ACOT11: variants seen among roughly 807,000 people sequenced by gnomAD.
The protein encoded by ACOT11 is acyl-coenzyme A thioesterase 11.
ACOT11 carries 69 observed loss-of-function variants against 77.5 expected under a neutral mutation model. The ratio of observed to expected loss-of-function variants is 0.89; its 90% CI spans 0.73 to 1.09. The LOEUF (loss-of-function observed/expected upper bound fraction) is 1.09. Ranked by LOEUF, ACOT11 falls within the 50% of genes least tolerant of loss-of-function variation. ACOT11 has a pLI of 0.00. For synonymous variants in ACOT11, 279 were observed against 313.0 expected, an observed-to-expected ratio of 0.89 and a Z score of 1.15; for missense variants, 766 against 813.7, an observed-to-expected ratio of 0.94 and a Z score of 0.71.
intron 1 of ACOT11, among the ~76,000 whole-genome samples, chr1:54,548,780 G>T (rs952244993): frequency 1.3e-5 from 2 of 152,208 alleles, no homozygotes; most frequent in Non-Finnish European, 2.9e-5. Flanking sequence ...AGTATGTGTG[G>T]TGGGGTGAGG....
chr1:54,611,678 C>T, downstream of ACOT11: 8 of 1,614,102 alleles, frequency 5.0e-6, no homozygotes, highest in Non-Finnish European at 5.9e-6. Context: ...GCAGTGTTAT[C>T]CCGGACGTAG....
chr1:54,555,352 A>AT (rs1295762883), intron 1 of ACOT11, among the ~76,000 whole-genome samples: 1 of 151,928 alleles, frequency 6.6e-6, no homozygotes, highest in Non-Finnish European at 1.5e-5. Context: ...GATGTTGAGC[A>AT]TTTTTTTCAT....
chr1:54,573,229 T>C, intron 1 of ACOT11: 1 of 985,394 alleles, frequency 1.0e-6, no homozygotes, highest in Non-Finnish European at 1.2e-6. Flanking sequence ...AGAGAAGCAG[T>C]TGTACAAAGT....
intron 15 of ACOT11, chr1:54,630,587 C>T (rs1569816502): frequency 4.1e-6 from 2 of 493,772 alleles, no homozygotes; most frequent in East Asian, 6.7e-5. Flanking sequence ...AATTCAACAT[C>T]TATAGAAACA....
chr1:54,622,896 C>T (rs1427245060), intron 15 of ACOT11, among the ~76,000 whole-genome samples: 5 of 151,818 alleles, frequency 3.3e-5, no homozygotes, highest in South Asian at 2.1e-4. Context: ...GCTGGTTGGC[C>T]AGGCATGATG....
chr1:54,615,795 T>C (rs1644166833), intron 15 of ACOT11, among the ~76,000 whole-genome samples: 1 of 152,098 alleles, frequency 6.6e-6, no homozygotes. Flanking sequence ...CTGCCGGCTG[T>C]CTCCCCTCTG....
At chr1:54,579,390 A>T (rs116203742) in intron 1 of ACOT11, among the ~76,000 whole-genome samples, 1 of 152,062 alleles carries the variant, frequency 6.6e-6, no homozygotes, top group East Asian at 1.9e-4. Context: ...TGTCCCGGGT[A>T]TGTGTGTAGG....
chr1:54,557,852 G>C (rs1395438791), intron 1 of ACOT11, among the ~76,000 whole-genome samples: 3 of 152,070 alleles, frequency 2.0e-5, no homozygotes, highest in Non-Finnish European at 4.4e-5. Flanking sequence ...TTTCCAATTT[G>C]GATGCCTTTT....
At chr1:54,597,789 G>A (rs1643907943) in intron 7 of ACOT11, 2 of 212,566 alleles carry the variant, frequency 9.4e-6, no homozygotes, top group South Asian at 1.7e-4. Flanking sequence ...CCCTGCCTTT[G>A]CTCCTGATGT....
rs543957068 is a variant in ACOT11 at position 54,609,573 on chromosome 1, G to A, written c.*461G>A. 327 of 1,612,936 alleles carry A rather than the reference G, an allele frequency of 2.0e-4. No individual in the cohort carries two copies. Among genetic ancestry groups the A allele is most frequent in the Non-Finnish European group, 2.6e-4 (311 of 1,180,020 alleles). Reference sequence around the variant, plus strand: ...AGCTGTTCCCTGTAGCCACTGCCCAGCACCTCCTCAGGCCAGCCTGGTGCC... The same window carrying A: ...AGCTGTTCCCTGTAGCCACTGCCCAACACCTCCTCAGGCCAGCCTGGTGCC... On this transcript the variant is annotated 3_prime_UTR_variant, in exon 16 of 16. Transcript: ENST00000343744.
Position 54,610,323 on chromosome 1 carries a change from A to G in ACOT11, c.*1211A>G. On this transcript the variant is annotated 3_prime_UTR_variant, in exon 16 of 16. Transcript: ENST00000343744. The stretch of plus-strand genomic sequence containing the variant: ...ATGGTGTAAATAAACCTGTGTTGCC[A>G]TGGCAACAGAGACCGGCGGTACCTG... The G allele has an allele frequency of 1.3e-6, 2 of 1,551,494 alleles. No individual in the cohort carries two copies. The highest frequency in any genetic ancestry group is 1.7e-6 in the Non-Finnish European group (2 of 1,150,138).
downstream of ACOT11, among the ~76,000 whole-genome samples, chr1:54,615,263 AGAG>A (rs367993515): frequency 8.7e-4 from 133 of 152,152 alleles, no homozygotes; most frequent in African/African-American, 3.0e-3. Context: ...GCATTTGAGT[AGAG>A]GAGGAGATCT....
At chr1:54,564,902 A>T (rs754356132) in intron 1 of ACOT11, among the ~76,000 whole-genome samples, 32 of 152,170 alleles carry the variant, frequency 2.1e-4, no homozygotes, top group Middle Eastern at 3.2e-3. Flanking sequence ...AGGGGTGTTA[A>T]GAGATCAGAT....
At chr1:54,620,845 CAAAAAAAAAAAAAAAA>C (rs767625864) in intron 15 of ACOT11, among the ~76,000 whole-genome samples, 14 of 12,118 alleles carry the variant, frequency 1.2e-3, no homozygotes, top group South Asian at 8.6e-3. Context: ...GAGACTCTGT[CAAAAAAAAAAAAAAAA>C]AAAAAAAAAA....
intron 1 of ACOT11, among the ~76,000 whole-genome samples, chr1:54,574,128 C>T (rs1654020608): frequency 1.3e-5 from 2 of 152,180 alleles, no homozygotes; most frequent in African/African-American, 4.8e-5. Context: ...CCGCCCACCA[C>T]TTTCGGTTTT....
chr1:54,582,664 C>T (rs749472127), intron 1 of ACOT11: 8 of 349,694 alleles, frequency 2.3e-5, no homozygotes, highest in Non-Finnish European at 3.2e-5. Context: ...GCCCGTGTTC[C>T]CTTGTTGGTG....
intron 8 of ACOT11, among the ~76,000 whole-genome samples, chr1:54,600,927 G>A (rs115918301): frequency 0.015 from 2,302 of 152,208 alleles, 40 homozygotes; most frequent in East Asian, 0.057. Flanking sequence ...ATGAGGCATA[G>A]ACTGGACAGG....
intron 15 of ACOT11, chr1:54,616,145 A>T (rs1298935180): frequency 6.2e-7 from 1 of 1,614,142 alleles, no homozygotes; most frequent in East Asian, 2.2e-5. Flanking sequence ...TTCTACATTG[A>T]CGTCAGCCTC....
intron 1 of ACOT11, chr1:54,548,591 G>C (rs1402929826): frequency 3.5e-6 from 2 of 578,514 alleles, no homozygotes; most frequent in African/African-American, 1.9e-5. Context: ...ATCACCTTCA[G>C]CAAGTGTCGG....
Sources: gnomAD v4.1 joint callset for allele counts (sites outside exome capture counted in the v4.1 genomes callset) on GRCh38, gnomAD v4.1.1 for gene constraint, MANE v1.5 for transcripts, NCBI Gene and HGNC (gene_info 2026-07-23, HGNC 2026-07-21) for gene names.